The following RBFOX1 variants were observed in gnomAD, a reference collection of about 807,000 sequenced individuals.
RBFOX1 encodes the protein RNA binding protein fox-1 homolog 1.
RBFOX1 carries 8 observed loss-of-function variants against 57.7 expected under a neutral mutation model. That is an observed-to-expected ratio of 0.14 (90% CI 0.08 to 0.25). The LOEUF (loss-of-function observed/expected upper bound fraction) is 0.25. RBFOX1 is among the 10% of genes least tolerant of loss of function. The probability of loss-of-function intolerance (pLI) is 1.00; values close to 1 mark genes in which losing one functional copy is unlikely to be tolerated. For missense variants in RBFOX1, 611 were observed against 548.5 expected (o/e 1.11, Z -1.14); for synonymous variants, 326 against 222.4 (o/e 1.47, Z -4.15).
chr16:6,013,348 C>G lies in RBFOX1; in HGVS notation c.351+146013C>G, dbSNP rs571276258. On this transcript the variant is annotated intron_variant, in intron 4 of 19. Coordinates refer to the RBFOX1 transcript ENST00000641259. The stretch of plus-strand genomic sequence containing the variant: ...GAATTTTTACTTGAATCTGATGAAG[C>G]TCAAAATATTTGTTTCCAAAGTGTT... 8.5e-5 allele frequency among the ~76,000 whole-genome samples: 13 copies of G among 152,282 alleles called. No homozygotes were observed. In the East Asian group the frequency reaches 1.5e-3, roughly 18 times the overall value.
chr16:6,061,115 T>G (rs543279960), intron 1 of RBFOX1, among the ~76,000 whole-genome samples: 3 of 152,290 alleles, frequency 2.0e-5, no homozygotes, highest in African/African-American at 4.8e-5. Context: ...TTTTCAGAAG[T>G]CACCCCTAGT....
intron 3 of RBFOX1, among the ~76,000 whole-genome samples, chr16:7,019,013 G>A (rs953026156): frequency 1.3e-5 from 2 of 151,896 alleles, no homozygotes; most frequent in Non-Finnish European, 2.9e-5. Flanking sequence ...AAAAGAAAGC[G>A]TTCTTGTTCA....
At position 7,504,743 on chromosome 16, in the gene RBFOX1, A is replaced by ATATATT. The variant is rs1567554063; in HGVS notation, c.28-13399_28-13398insTTATAT. 8.8e-3 allele frequency among the ~76,000 whole-genome samples: 132 copies of ATATATT among 14,958 alleles called. 7 individuals carry two copies. The highest frequency in any genetic ancestry group is 0.017 in the South Asian group (6 of 354). The allele number at this position is 14,958 out of a possible 152,430, so 9.8% of individuals were successfully genotyped here. A position where few individuals can be genotyped will look rare whatever the true frequency, so the allele number is the denominator to read the frequency against. ...TATATATATATATATATATATATAT[A>ATATATT]TATATATATATTTATATATATATAT... On this transcript the variant is annotated intron_variant, in intron 4 of 15. Transcript: ENST00000550418.
At chr16:5,852,558 T>G (rs1322018323) in intron 3 of RBFOX1, among the ~76,000 whole-genome samples, 4 of 152,140 alleles carry the variant, frequency 2.6e-5, no homozygotes, top group Non-Finnish European at 5.9e-5. Flanking sequence ...TGTGGCACCT[T>G]TGGGCAAGGC....
intron 3 of RBFOX1, among the ~76,000 whole-genome samples, chr16:5,778,685 C>G (rs1482204774): frequency 6.6e-6 from 1 of 152,156 alleles, no homozygotes; most frequent in Non-Finnish European, 1.5e-5. Context: ...GTGGCCATCT[C>G]ATACTATTTA....
At position 6,904,628 on chromosome 16, in the gene RBFOX1, A is replaced by C. The variant is rs915304616; in HGVS notation, c.-15-147429A>C. The stretch of plus-strand genomic sequence containing the variant: ...AAAAAAAAAAAAAAAAAAAAAAAAA[A>C]GAAGAAGAAGAAAGAAAAATTCATA... On this transcript the variant is annotated intron_variant, in intron 3 of 15. Coordinates refer to ENST00000550418, the MANE Select transcript of RBFOX1 (RefSeq NM_018723.4). 8.2e-5 allele frequency among the ~76,000 whole-genome samples: 11 copies of C among 134,894 alleles called. 1 individual carries two copies. Among genetic ancestry groups the C allele is most frequent in the Non-Finnish European group, 1.5e-4 (9 of 62,052 alleles). 88.5% of individuals were successfully genotyped at this position (134,894 alleles called of 152,430 possible).
chr16:6,750,088 A>G (rs911392353), intron 3 of RBFOX1, among the ~76,000 whole-genome samples: 1 of 152,178 alleles, frequency 6.6e-6, no homozygotes, highest in Non-Finnish European at 1.5e-5. Flanking sequence ...GTCGAGGTGT[A>G]TAGGGTTATG....
At chr16:5,640,834 C>G (rs980858910) in intron 3 of RBFOX1, among the ~76,000 whole-genome samples, 2 of 14,784 alleles carry the variant, frequency 1.4e-4, no homozygotes, top group African/African-American at 2.0e-4. Flanking sequence ...CACATACATG[C>G]ACACACACAC....
At chr16:6,917,105 C>A (rs2073366070) in intron 3 of RBFOX1, among the ~76,000 whole-genome samples, 1 of 152,186 alleles carries the variant, frequency 6.6e-6, no homozygotes, top group Non-Finnish European at 1.5e-5. Flanking sequence ...CCTGCCTTGG[C>A]CTCCCAGAGT....
chr16:5,343,491 T>TG (rs201788827), intron 1 of RBFOX1, among the ~76,000 whole-genome samples: 2,411 of 150,706 alleles, frequency 0.016, 24 homozygotes, highest in African/African-American at 0.023. Flanking sequence ...ATTTTTTTTT[T>TG]TGTGTATTTT....
rs111237764 is a variant in RBFOX1, at chr16:5,522,396, A to C, written c.258+55142A>C. ...GGAAACGGTGGAGCATCTGTTTAGG[A>C]AGCCACATTTTTTAACTGATACATA... On this transcript the variant is annotated intron_variant, in intron 2 of 2. Coordinates refer to the RBFOX1 transcript ENST00000585867. 7.9e-5 allele frequency among the ~76,000 whole-genome samples: 12 copies of C among 152,310 alleles called. 1 individual carries two copies. The highest frequency in any genetic ancestry group is 2.9e-4 in the African/African-American group (12 of 41,576).
chr16:6,877,479 C>T (rs1252742689), intron 3 of RBFOX1, among the ~76,000 whole-genome samples: 1 of 152,106 alleles, frequency 6.6e-6, no homozygotes, highest in Non-Finnish European at 1.5e-5. Flanking sequence ...TGATATCAGA[C>T]CATAAAATGC....
At chr16:7,076,062 G>A (rs1248603391) in intron 4 of RBFOX1, among the ~76,000 whole-genome samples, 2 of 135,146 alleles carry the variant, frequency 1.5e-5, no homozygotes, top group Non-Finnish European at 3.1e-5. Flanking sequence ...TTTTTTTTTC[G>A]AGACGAGTCT....
At chr16:7,484,608 G>T (rs780789285) in intron 4 of RBFOX1, among the ~76,000 whole-genome samples, 1 of 152,054 alleles carries the variant, frequency 6.6e-6, no homozygotes, top group Non-Finnish European at 1.5e-5. Flanking sequence ...GACTACAGGC[G>T]CCCACTACCA....
At chr16:5,731,886 G>A (rs2052386423) in intron 3 of RBFOX1, among the ~76,000 whole-genome samples, 2 of 152,140 alleles carry the variant, frequency 1.3e-5, no homozygotes, top group African/African-American at 2.4e-5. Flanking sequence ...TCACATGTTA[G>A]CCTCTCAATC....
intron 4 of RBFOX1, among the ~76,000 whole-genome samples, chr16:7,229,235 C>T (rs1473853278): frequency 1.3e-5 from 2 of 152,200 alleles, no homozygotes; most frequent in East Asian, 3.9e-4. Flanking sequence ...GCATTGCAAT[C>T]TTCTGCAAGA....
At chr16:6,267,890 C>G (rs533647982) in intron 1 of RBFOX1, among the ~76,000 whole-genome samples, 3 of 152,256 alleles carry the variant, frequency 2.0e-5, no homozygotes, top group South Asian at 4.1e-4. Flanking sequence ...TGGGCTATTA[C>G]CTTTTTATAT....
intron 3 of RBFOX1, among the ~76,000 whole-genome samples, chr16:5,697,432 A>G (rs1236467938): frequency 2.0e-5 from 3 of 151,004 alleles, no homozygotes; most frequent in Non-Finnish European, 4.4e-5. Context: ...ATGTTTATAT[A>G]TTATGTAGAT....
In RBFOX1 at chr16:6,695,918, T is replaced by C. The variant is rs563471396; in HGVS notation, c.-16+41268T>C. On this transcript the variant is annotated intron_variant, in intron 3 of 15. Coordinates refer to ENST00000550418, the MANE Select transcript of RBFOX1 (RefSeq NM_018723.4). Reference sequence around the variant, plus strand: ...GGGAGGAAATTGCATATGGTGAAAATAGTGGACAACTGACTGTTCCTTTTA... The same window carrying C: ...GGGAGGAAATTGCATATGGTGAAAACAGTGGACAACTGACTGTTCCTTTTA... 2.6e-5 allele frequency among the ~76,000 whole-genome samples: 4 copies of C among 152,248 alleles called. No homozygotes were observed. The East Asian group carries it at 7.7e-4, about 29-fold the overall frequency.
Sources: gnomAD v4.1 joint callset for allele counts (sites outside exome capture counted in the v4.1 genomes callset) on GRCh38, gnomAD v4.1.1 for gene constraint, MANE v1.5 for transcripts, NCBI Gene and HGNC (gene_info 2026-07-23, HGNC 2026-07-21) for gene names.